The following TFDP1 variants were observed in gnomAD, a reference collection of about 807,000 sequenced individuals.
TFDP1 encodes DRTF1-polypeptide 1.
TFDP1 carries 6 observed loss-of-function variants against 48.0 expected under a neutral mutation model. That is an observed-to-expected ratio of 0.13 (90% CI 0.07 to 0.25). The LOEUF (loss-of-function observed/expected upper bound fraction) is 0.25, where lower values mean the gene tolerates loss of function less well. TFDP1 is among the 10% of genes least tolerant of loss of function. The pLI is 1.00. For synonymous variants in TFDP1, 201 were observed against 211.6 expected, an observed-to-expected ratio of 0.95 and a Z score of 0.44; for missense variants, 335 against 543.0, an observed-to-expected ratio of 0.62 and a Z score of 3.81.
intron 2 of TFDP1, among the ~76,000 whole-genome samples, chr13:113,590,824 G>C (rs1473934012): frequency 6.6e-6 from 1 of 151,800 alleles, no homozygotes; most frequent in Non-Finnish European, 1.5e-5. Flanking sequence ...TCCTGGCTAA[G>C]AGGGTGAAAC....
intron 8 of TFDP1, among the ~76,000 whole-genome samples, chr13:113,635,757 G>A (rs751104788): frequency 6.6e-6 from 1 of 152,152 alleles, no homozygotes; most frequent in African/African-American, 2.4e-5. Flanking sequence ...ATGGCTGTGC[G>A]CCCGCTTTCC....
chr13:113,585,750 TA>T (rs2047987537), intron 1 of TFDP1, 23 bp from the exon 2 acceptor site: 1 of 1,264,386 alleles, frequency 7.9e-7, no homozygotes, highest in Non-Finnish European at 1.1e-6. Flanking sequence ...TGTTTTTCCT[TA>T]CTTTTTTTTT....
intron 10 of TFDP1, 25 bp downstream of exon 10, chr13:113,636,725 C>T (rs754649156): frequency 6.8e-6 from 11 of 1,606,446 alleles, no homozygotes; most frequent in South Asian, 3.3e-5. Context: ...GACAACCTGG[C>T]GTGGCTGTGT....
Position 113,635,874 on chromosome 13 carries a change from C to T in TFDP1, c.688-103C>T, listed in dbSNP as rs894226880. The T allele has an allele frequency of 5.1e-6, 7 of 1,374,370 alleles. No individual in the cohort carries two copies. The African/African-American group carries it at 1.0e-4, about 20-fold the overall frequency. 85.1% of individuals were successfully genotyped at this position (1,374,370 alleles called of 1,614,324 possible). Reference sequence around the variant, plus strand: ...GCATTTCAGATGTCCAGGCCAACTCCTCGCTGTCACGTGGACGCAGGGAGG... The same window carrying T: ...GCATTTCAGATGTCCAGGCCAACTCTTCGCTGTCACGTGGACGCAGGGAGG... On this transcript the variant is annotated intron_variant, in intron 8 of 11. Transcript: ENST00000375370.
chr13:113,605,887 A>G lies in TFDP1; in HGVS notation c.13-5109A>G, dbSNP rs112949631. ...GATCCTGTGGGAAGGCGGTGCGGTG[A>G]TGAGTGTCCAAGGCGGCGCGGTGAT... On this transcript the variant is annotated intron_variant, in intron 2 of 11. Transcript: ENST00000375370. Among the ~76,000 whole-genome samples, 119 of 110,556 alleles carry G rather than the reference A, an allele frequency of 1.1e-3. 3 individuals carry two copies. Among genetic ancestry groups the G allele is most frequent in the East Asian group, 5.4e-3 (17 of 3,144 alleles). The allele number at this position is 110,556 out of a possible 152,430, so 72.5% of individuals were successfully genotyped here. A position where few individuals can be genotyped will look rare whatever the true frequency, so the allele number is the denominator to read the frequency against.
At chr13:113,612,255 C>T (rs1377438451) in intron 3 of TFDP1, among the ~76,000 whole-genome samples, 1 of 152,166 alleles carries the variant, frequency 6.6e-6, no homozygotes, top group African/African-American at 2.4e-5. Context: ...GTCCCTAGGT[C>T]CTGCTCTGGT....
intron 8 of TFDP1, 64 bp downstream of exon 8, chr13:113,634,666 G>A (rs917173939): frequency 6.5e-6 from 8 of 1,225,114 alleles, no homozygotes; most frequent in East Asian, 2.3e-5. Flanking sequence ...CTTTATAACG[G>A]CAACATACTG....
At position 113,633,804 on chromosome 13, in the gene TFDP1, C is replaced by G; in HGVS notation, c.475-86C>G. ...TGGCGGCTCCGTGAGCGGGGTGCCCCTTTGAGCCAGTGCCCATGGTCTACA... is the reference window on the plus strand; with the variant it reads ...TGGCGGCTCCGTGAGCGGGGTGCCCGTTTGAGCCAGTGCCCATGGTCTACA... On this transcript the variant is annotated intron_variant, in intron 6 of 11. Coordinates refer to ENST00000375370, the MANE Select transcript of TFDP1 (RefSeq NM_007111.5). The surrounding 1 kb of genome is among the most constrained non-coding windows in gnomAD (Gnocchi z 4.5). 6.6e-7 allele frequency: 1 copy of G among 1,510,440 alleles called. No homozygotes were observed. 93.6% of individuals were successfully genotyped at this position (1,510,440 alleles called of 1,614,324 possible). A position where few individuals can be genotyped will look rare whatever the true frequency, so the allele number is the denominator to read the frequency against.
At chr13:113,637,441 G>T (rs976497095) in intron 10 of TFDP1, among the ~76,000 whole-genome samples, 1 of 152,240 alleles carries the variant, frequency 6.6e-6, no homozygotes, top group East Asian at 1.9e-4. Context: ...CCCTGACCCC[G>T]GCCTCTGTCC....
At chr13:113,634,878 C>T (rs116369500) in intron 8 of TFDP1, among the ~76,000 whole-genome samples, 55 of 150,186 alleles carry the variant, frequency 3.7e-4, no homozygotes, top group Middle Eastern at 3.4e-3. Flanking sequence ...TGCCTGTGTG[C>T]GTGTGCATGT....
rs989795016 is a variant in TFDP1 at position 113,627,172 on chromosome 13, G to A, written c.186+3886G>A. On this transcript the variant is annotated intron_variant, in intron 4 of 11. Coordinates refer to ENST00000375370, the MANE Select transcript of TFDP1 (RefSeq NM_007111.5). The surrounding 1 kb of genome is among the most constrained non-coding windows in gnomAD (Gnocchi z 4.1). ...GACACGAGGGGTGGGGCTCAGTCCG[G>A]GCATGTGAGTGAAAGCGGTGGGGAG... Among the ~76,000 whole-genome samples the A allele has an allele frequency of 6.6e-6, 1 of 152,184 alleles. No homozygotes were observed. The highest frequency in any genetic ancestry group is 1.5e-5 in the Non-Finnish European group (1 of 68,034).
chr13:113,603,246 G>A (rs1401061783), intron 2 of TFDP1, among the ~76,000 whole-genome samples: 1 of 152,234 alleles, frequency 6.6e-6, no homozygotes, highest in Admixed American at 6.5e-5. Flanking sequence ...TCGAGTGTAA[G>A]GGAGAGTCCT....
chr13:113,630,997 C>G (rs1357766406), intron 4 of TFDP1, among the ~76,000 whole-genome samples: 3 of 152,208 alleles, frequency 2.0e-5, no homozygotes, highest in Admixed American at 1.3e-4. Flanking sequence ...TCCCTCCTTG[C>G]CTGACGCCGT....
chr13:113,584,878 C>G lies in TFDP1; in HGVS notation c.-75C>G, dbSNP rs1453461514. 2 of 146,320 alleles carry G rather than the reference C, an allele frequency of 1.4e-5. No individual in the cohort carries two copies. The highest frequency in any genetic ancestry group is 3.0e-5 in the Non-Finnish European group (2 of 65,856). 9.1% of individuals were successfully genotyped at this position (146,320 alleles called of 1,614,324 possible). ...CGCGTCCCCGCCCGCGCGGCCGGAC[C>G]GGGCAGCCAGGTGCGGGTGGGCAGG... On this transcript the variant is annotated 5_prime_UTR_variant, in exon 1 of 12. Coordinates refer to ENST00000375370, the MANE Select transcript of TFDP1 (RefSeq NM_007111.5).
In TFDP1 at chr13:113,636,042, G is replaced by A. The variant is rs201874910; in HGVS notation, c.753G>A (p.Pro251=). 44 of 1,614,058 alleles carry A rather than the reference G, an allele frequency of 2.7e-5. No individual in the cohort carries two copies. Among genetic ancestry groups the A allele is most frequent in the Middle Eastern group, 1.6e-4 (1 of 6,084 alleles). Residue 251 remains proline (P), a synonymous_variant, in exon 9 of 12, where the codon CCG becomes CCA. Transcript: ENST00000375370. ...RHAEQQASRP[P]PPNSVIHLPF... ...CGGAGCAGCAGGCCAGCCGGCCACCGCCACCCAACTCAGTCATCCACCTGC... is the reference window on the plus strand; with the variant it reads ...CGGAGCAGCAGGCCAGCCGGCCACCACCACCCAACTCAGTCATCCACCTGC...
intron 3 of TFDP1, among the ~76,000 whole-genome samples, chr13:113,618,830 CTA>C (rs1469151217): frequency 6.6e-6 from 1 of 152,240 alleles, no homozygotes; most frequent in African/African-American, 2.4e-5. Flanking sequence ...CCTGACGGCT[CTA>C]TGTATGGGTA....
At chr13:113,637,585 A>C in intron 10 of TFDP1, 1 of 1,516,570 alleles carries the variant, frequency 6.6e-7, no homozygotes, top group Non-Finnish European at 8.8e-7. Flanking sequence ...CAGTGTGTGC[A>C]GGTATTTATT....
intron 3 of TFDP1, among the ~76,000 whole-genome samples, chr13:113,615,553 T>G (rs1344818811): frequency 6.6e-6 from 1 of 152,166 alleles, no homozygotes; most frequent in Non-Finnish European, 1.5e-5. Flanking sequence ...CAGGGCTGCT[T>G]GTGCACCTCC....
At chr13:113,637,617 T>G in intron 10 of TFDP1, 1 of 1,532,742 alleles carries the variant, frequency 6.5e-7, no homozygotes, top group South Asian at 1.2e-5. Flanking sequence ...CTTGCCTTTT[T>G]AGAGAAGACA....
Sources: gnomAD v4.1 joint callset for allele counts (sites outside exome capture counted in the v4.1 genomes callset) on GRCh38, gnomAD v4.1.1 for gene constraint, Gnocchi (gnomAD v3.1) non-coding constraint, MANE v1.5 for transcripts, NCBI Gene and HGNC (gene_info 2026-07-23, HGNC 2026-07-21) for gene names.